SH3BGRL2: variants seen among roughly 807,000 people sequenced by gnomAD.
The protein encoded by SH3BGRL2 is SH3 domain binding glutamate rich protein like 2, also known as SH3 domain-binding glutamic acid-rich-like protein 2.
SH3BGRL2 carries 21 observed loss-of-function variants against 14.8 expected under a neutral mutation model. The observed-to-expected ratio is 1.42, with a 90% CI of 1.01 to 2.05. The LOEUF (loss-of-function observed/expected upper bound fraction) is 2.05, where lower values mean the gene tolerates loss of function less well. SH3BGRL2 is among the 30% of genes most tolerant of loss of function. SH3BGRL2 has a pLI of 0.00. For missense variants in SH3BGRL2, 147 were observed against 130.8 expected (o/e 1.12, Z -0.61); for synonymous variants, 50 against 47.8 (o/e 1.05, Z -0.19).
At chr6:79,654,701 T>A (rs1406680088) in intron 1 of SH3BGRL2, among the ~76,000 whole-genome samples, 1 of 152,216 alleles carries the variant, frequency 6.6e-6, no homozygotes, top group Non-Finnish European at 1.5e-5. Flanking sequence ...TTTTGATAGA[T>A]GTTTCTTTGT....
the SH3BGRL2 span, among the ~76,000 whole-genome samples, chr6:79,577,123 A>C: frequency 4.7e-3 from 714 of 151,840 alleles, 4 homozygotes; most frequent in Non-Finnish European, 7.1e-3. Flanking sequence ...ATTTGTTGAA[A>C]AAACAAAACA....
chr6:79,563,900 A>G, the SH3BGRL2 span, among the ~76,000 whole-genome samples: 5 of 152,364 alleles, frequency 3.3e-5, no homozygotes, highest in African/African-American at 1.2e-4. Flanking sequence ...TGCCACGACA[A>G]ATATCTAAAA....
the SH3BGRL2 span, among the ~76,000 whole-genome samples, chr6:79,622,549 C>T: frequency 6.6e-6 from 1 of 152,198 alleles, no homozygotes; most frequent in Non-Finnish European, 1.5e-5. Flanking sequence ...GACCTTTGTG[C>T]TTCTACCCAG....
At chr6:79,636,678 G>T (rs1298593363) in intron 1 of SH3BGRL2, among the ~76,000 whole-genome samples, 6 of 152,196 alleles carry the variant, frequency 3.9e-5, no homozygotes, top group Non-Finnish European at 8.8e-5. Context: ...TCTGAGGGCT[G>T]TGAGGGAGAG....
intron 1 of SH3BGRL2, among the ~76,000 whole-genome samples, chr6:79,672,205 T>C (rs559956089): frequency 5.9e-5 from 9 of 152,346 alleles, no homozygotes; most frequent in African/African-American, 2.2e-4. Flanking sequence ...CATTAAAATA[T>C]GTTTCTTCTT....
At chr6:79,658,318 G>A (rs1345053376) in intron 1 of SH3BGRL2, among the ~76,000 whole-genome samples, 1 of 152,120 alleles carries the variant, frequency 6.6e-6, no homozygotes, top group Non-Finnish European at 1.5e-5. Flanking sequence ...ACAGGCCCCA[G>A]TGTGTAATGT....
chr6:79,625,183 A>AAT, the SH3BGRL2 span, among the ~76,000 whole-genome samples: 3 of 150,300 alleles, frequency 2.0e-5, no homozygotes, highest in Non-Finnish European at 4.4e-5. Flanking sequence ...TATTAAAAAA[A>AAT]ATATATATAT....
the SH3BGRL2 span, among the ~76,000 whole-genome samples, chr6:79,555,580 G>A: frequency 0.09 from 13,700 of 152,168 alleles, 1,431 homozygotes; most frequent in East Asian, 0.55. Flanking sequence ...GCGTGATCTC[G>A]GCTCACTGAA....
the SH3BGRL2 span, among the ~76,000 whole-genome samples, chr6:79,581,147 A>C: frequency 3.3e-5 from 5 of 152,198 alleles, no homozygotes; most frequent in Non-Finnish European, 4.4e-5. Context: ...GCAACAATTA[A>C]TAGCCTACCA....
chr6:79,619,387 A>C, the SH3BGRL2 span, among the ~76,000 whole-genome samples: 1 of 152,148 alleles, frequency 6.6e-6, no homozygotes, highest in Non-Finnish European at 1.5e-5. Flanking sequence ...TAGTACATAC[A>C]TACCTTCCTC....
At chr6:79,641,114 C>G (rs1037810644) in intron 1 of SH3BGRL2, among the ~76,000 whole-genome samples, 3 of 150,548 alleles carry the variant, frequency 2.0e-5, no homozygotes, top group Non-Finnish European at 4.4e-5. Context: ...CATGACATTC[C>G]CATGTGTATT....
the SH3BGRL2 span, among the ~76,000 whole-genome samples, chr6:79,590,424 G>GATATATATATATATATAT: frequency 4.7e-4 from 31 of 66,664 alleles, no homozygotes; most frequent in East Asian, 7.0e-4. Context: ...AAGAAAATGT[G>GATATATATATATATATAT]ATATATATAT....
At chr6:79,654,179 T>C (rs1468243577) in intron 1 of SH3BGRL2, among the ~76,000 whole-genome samples, 1 of 152,240 alleles carries the variant, frequency 6.6e-6, no homozygotes, top group Non-Finnish European at 1.5e-5. Flanking sequence ...TATTTTAACA[T>C]AGCTGATGTG....
At chr6:79,677,898 A>G (rs965292585) in intron 2 of SH3BGRL2, among the ~76,000 whole-genome samples, 3 of 152,202 alleles carry the variant, frequency 2.0e-5, no homozygotes, top group African/African-American at 7.2e-5. Flanking sequence ...TTTGGCTTTT[A>G]TGATGAATTG....
intron 2 of SH3BGRL2, among the ~76,000 whole-genome samples, chr6:79,686,509 G>T (rs117817054): frequency 6.6e-6 from 1 of 151,932 alleles, no homozygotes. Flanking sequence ...CTGGTTTTTA[G>T]CTCTATGCTA....
chr6:79,586,196 CAAAA>C, the SH3BGRL2 span, among the ~76,000 whole-genome samples: 1 of 50,846 alleles, frequency 2.0e-5, no homozygotes, highest in Non-Finnish European at 3.9e-5. Flanking sequence ...AACTCTGTCT[CAAAA>C]AAAAAAAAAA....
chr6:79,673,580 C>T (rs1252154646), intron 1 of SH3BGRL2, 34 bp from the exon 2 acceptor site: 4 of 1,590,328 alleles, frequency 2.5e-6, no homozygotes, highest in Admixed American at 3.4e-5. Context: ...TTCAGATAAG[C>T]GTATCTACTT....
At chr6:79,543,447 G>C in the SH3BGRL2 span, among the ~76,000 whole-genome samples, 1 of 152,160 alleles carries the variant, frequency 6.6e-6, no homozygotes, top group Non-Finnish European at 1.5e-5. Context: ...CAGGTAGCCA[G>C]CTTCCAAAAA....
chr6:79,541,840 T>C, the SH3BGRL2 span, among the ~76,000 whole-genome samples: 2 of 152,202 alleles, frequency 1.3e-5, no homozygotes, highest in African/African-American at 2.4e-5. Context: ...TTCAAATAGG[T>C]TCATAGATCA....
Sources: gnomAD v4.1 joint callset for allele counts (sites outside exome capture counted in the v4.1 genomes callset) on GRCh38, gnomAD v4.1.1 for gene constraint, MANE v1.5 for transcripts, NCBI Gene and HGNC (gene_info 2026-07-23, HGNC 2026-07-21) for gene names.